Variants in ADGRG5 observed in about 807,000 individuals in gnomAD.
ADGRG5 encodes the protein G protein-coupled receptor 114.
In ADGRG5, 37 loss-of-function variants were observed where a neutral mutation model predicts 53.2. That is an observed-to-expected ratio of 0.70 (90% CI 0.53 to 0.91). The LOEUF (loss-of-function observed/expected upper bound fraction) is 0.91, where lower values mean the gene tolerates loss of function less well. Among genes scored for constraint, ADGRG5 ranks in the 40% least tolerant of loss-of-function variants. ADGRG5 has a pLI of 0.00. For missense variants in ADGRG5, 614 were observed against 675.8 expected, an observed-to-expected ratio of 0.91 and a Z score of 1.01; for synonymous variants, 277 against 290.4, an observed-to-expected ratio of 0.95 and a Z score of 0.47.
upstream of ADGRG5, among the ~76,000 whole-genome samples, chr16:57,539,857 A>C (rs373185734): frequency 5.9e-5 from 9 of 152,260 alleles, no homozygotes; most frequent in East Asian, 1.7e-3. Context: ...AAAACATTTA[A>C]AAGTCAGACG....
chr16:57,535,862 G>A, the ADGRG5 span, among the ~76,000 whole-genome samples: 2 of 152,074 alleles, frequency 1.3e-5, no homozygotes, highest in African/African-American at 4.8e-5. Context: ...ACCCCCACAA[G>A]AGCCCTGGGA....
upstream of ADGRG5, among the ~76,000 whole-genome samples, chr16:57,539,582 AG>A (rs2032460317): frequency 6.6e-6 from 1 of 150,842 alleles, no homozygotes; most frequent in South Asian, 2.1e-4. Flanking sequence ...CCTCCTGAGT[AG>A]GTGGATCTAC....
At chr16:57,562,517 A>C in intron 3 of ADGRG5, 58 bp downstream of exon 3, 1 of 1,155,776 alleles carries the variant, frequency 8.7e-7, no homozygotes, top group Admixed American at 2.2e-5. Flanking sequence ...GGTCAGGGTT[A>C]GTCTAATGTA....
At chr16:57,553,214 C>T (rs1489617967) in intron 1 of ADGRG5, among the ~76,000 whole-genome samples, 1 of 152,112 alleles carries the variant, frequency 6.6e-6, no homozygotes, top group African/African-American at 2.4e-5. Flanking sequence ...GATAGACTTC[C>T]TTGATGCAGG....
At chr16:57,531,246 C>T in the ADGRG5 span, among the ~76,000 whole-genome samples, 1 of 151,930 alleles carries the variant, frequency 6.6e-6, no homozygotes, top group Admixed American at 6.6e-5. Context: ...GTGACCAGCT[C>T]CTCCTGGGTG....
chr16:57,563,180 C>A lies in ADGRG5; in HGVS notation c.230C>A (p.Ala77Asp). 6.2e-7 allele frequency: 1 copy of A among 1,614,144 alleles called. No individual in the cohort carries two copies. The highest frequency in any genetic ancestry group is 8.5e-7 in the Non-Finnish European group (1 of 1,179,954). ...CAGACACCCACCATCCAGTCTCTGG[C>A]CTTCAAGCTGAGCTGTGACTTCTCT... ...TLQTPTIQSLAFKLSCDFSGL... is the reference protein window; with the variant it reads ...TLQTPTIQSLDFKLSCDFSGL... Residue 77 changes from alanine to aspartate, a missense_variant, in exon 4 of 12, where the codon GCC becomes GAC. Ala to Asp is a moderately radical substitution (Grantham distance 126). Coordinates refer to ENST00000349457, the MANE Select transcript of ADGRG5 (RefSeq NM_001304376.3).
At chr16:57,567,342 G>A in intron 7 of ADGRG5, 128 bp from the exon 8 acceptor site, 1 of 1,039,550 alleles carries the variant, frequency 9.6e-7, no homozygotes, top group Non-Finnish European at 1.4e-6. Context: ...CCTTGTTCAA[G>A]CCAGGTCCAT....
the ADGRG5 span, among the ~76,000 whole-genome samples, chr16:57,536,171 G>GT: frequency 2.6e-5 from 4 of 152,110 alleles, no homozygotes; most frequent in African/African-American, 9.7e-5. Flanking sequence ...ACCACGTTGG[G>GT]TCCCCCGGGA....
chr16:57,535,714 C>T, the ADGRG5 span, among the ~76,000 whole-genome samples: 6 of 150,910 alleles, frequency 4.0e-5, no homozygotes, highest in East Asian at 2.0e-4. Context: ...AGCTCCATCA[C>T]TGATATGCTG....
intron 1 of ADGRG5, among the ~76,000 whole-genome samples, chr16:57,555,330 C>A (rs1204914385): frequency 6.6e-6 from 1 of 152,038 alleles, no homozygotes; most frequent in Non-Finnish European, 1.5e-5. Flanking sequence ...CCCCATACTG[C>A]TCTCGTGATA....
Position 57,574,019 on chromosome 16 carries a change from G to A in ADGRG5, c.1209-796G>A, listed in dbSNP as rs912882333. 9.2e-5 allele frequency among the ~76,000 whole-genome samples: 14 copies of A among 152,200 alleles called. No individual in the cohort carries two copies. The highest frequency in any genetic ancestry group is 2.1e-4 in the Non-Finnish European group (14 of 68,038). Reference sequence around the variant, plus strand: ...TTACAGGCATGAGCCACCGCGCCTGGCCTCCATTTGATTTAGTTCTAGGAA... The same window carrying A: ...TTACAGGCATGAGCCACCGCGCCTGACCTCCATTTGATTTAGTTCTAGGAA... On this transcript the variant is annotated intron_variant, in intron 10 of 11. Transcript: ENST00000349457. The surrounding 1 kb of genome is among the most constrained non-coding windows in gnomAD (Gnocchi z 4.4).
At chr16:57,566,891 C>A in intron 7 of ADGRG5, 140 bp downstream of exon 7, 2 of 730,914 alleles carry the variant, frequency 2.7e-6, no homozygotes, top group Non-Finnish European at 4.0e-6. Flanking sequence ...ACTTTATGGA[C>A]TCATGTTTCT....
At position 57,565,128 on chromosome 16, in the gene ADGRG5, GCTT is replaced by G; in HGVS notation, c.527_529del (p.Phe176del). ...AACCTCAGGGATCCTGTGAACATCA[GCTT>G]CTGGCACAACCAAAGCCTGGTACTG... On this transcript the variant is annotated inframe_deletion, in exon 6 of 12. Coordinates refer to ENST00000349457, the MANE Select transcript of ADGRG5 (RefSeq NM_001304376.3). The G allele has an allele frequency of 6.2e-7, 1 of 1,613,246 alleles. No homozygotes were observed.
chr16:57,572,263 C>T (rs181144280), intron 10 of ADGRG5, among the ~76,000 whole-genome samples: 30 of 152,256 alleles, frequency 2.0e-4, no homozygotes, highest in Admixed American at 3.3e-4. Context: ...ATCATGAGGT[C>T]AGGAGATCAA....
Position 57,563,176 on chromosome 16 carries a change from C to A in ADGRG5, c.226C>A (p.Leu76Met), listed in dbSNP as rs2033046232. 1 of 1,614,078 alleles carries A rather than the reference C, an allele frequency of 6.2e-7. No homozygotes were observed. The highest frequency in any genetic ancestry group is 1.7e-5 in the Admixed American group (1 of 60,010). Residue 76 changes from leucine (L) to methionine (M), a missense_variant, in exon 4 of 12, where the codon CTG becomes ATG. By Grantham distance (15) the Leu-to-Met change is conservative. Coordinates refer to ENST00000349457, the MANE Select transcript of ADGRG5 (RefSeq NM_001304376.3). ...CTTGCAGACACCCACCATCCAGTCT[C>A]TGGCCTTCAAGCTGAGCTGTGACTT... The part of the protein sequence containing the change: ...LTLQTPTIQS[L>M]AFKLSCDFSG...
intron 1 of ADGRG5, among the ~76,000 whole-genome samples, chr16:57,550,821 A>G (rs1001421050): frequency 6.6e-6 from 1 of 152,148 alleles, no homozygotes; most frequent in Non-Finnish European, 1.5e-5. Context: ...TGAGGTCAGG[A>G]GATCGAGACC....
chr16:57,546,307 G>A (rs1397295876), intron 1 of ADGRG5, among the ~76,000 whole-genome samples: 2 of 152,130 alleles, frequency 1.3e-5, no homozygotes, highest in Non-Finnish European at 2.9e-5. Flanking sequence ...CTGATTTTTA[G>A]TAGAGACAAG....
intron 6 of ADGRG5, chr16:57,566,081 C>T (rs763160430): frequency 6.5e-6 from 1 of 152,884 alleles, no homozygotes; most frequent in Non-Finnish European, 1.5e-5. Flanking sequence ...CTCCCCTTCT[C>T]CCTTTGGGTC....
upstream of ADGRG5, among the ~76,000 whole-genome samples, chr16:57,541,785 C>G (rs1243798916): frequency 6.6e-6 from 1 of 152,216 alleles, no homozygotes; most frequent in East Asian, 1.9e-4. Flanking sequence ...CTCTCTCTAT[C>G]CCCCACACAC....
Sources: gnomAD v4.1 joint callset for allele counts (sites outside exome capture counted in the v4.1 genomes callset) on GRCh38, gnomAD v4.1.1 for gene constraint, Gnocchi (gnomAD v3.1) non-coding constraint, MANE v1.5 for transcripts, NCBI Gene and HGNC (gene_info 2026-07-23, HGNC 2026-07-21) for gene names.